DSCAML1: variants seen among roughly 807,000 people sequenced by gnomAD.
The protein encoded by DSCAML1 is cell adhesion molecule DSCAML1.
A neutral mutation model predicts 200.5 loss-of-function variants in DSCAML1; 38 were observed. The observed-to-expected ratio is 0.19, with a 90% CI of 0.15 to 0.25. DSCAML1 has a LOEUF of 0.25. DSCAML1 is among the 10% of genes least tolerant of loss of function. The probability of loss-of-function intolerance (pLI) is 1.00; values close to 1 mark genes in which losing one functional copy is unlikely to be tolerated. For missense variants in DSCAML1, 2,223 were observed against 2,858.8 expected, an observed-to-expected ratio of 0.78 and a Z score of 5.07; for synonymous variants, 1,215 against 1,165.0, an observed-to-expected ratio of 1.04 and a Z score of -0.87.
intron 3 of DSCAML1, among the ~76,000 whole-genome samples, chr11:117,572,693 A>G (rs2050867322): frequency 6.6e-6 from 1 of 152,176 alleles, no homozygotes; most frequent in South Asian, 2.1e-4. Flanking sequence ...CTATGCAAAG[A>G]TCTGGTTCCC....
intron 3 of DSCAML1, among the ~76,000 whole-genome samples, chr11:117,716,779 C>T (rs562994943): frequency 7.2e-5 from 11 of 152,324 alleles, no homozygotes; most frequent in African/African-American, 2.4e-4. Flanking sequence ...ATTCAAATTT[C>T]GGTGCCCATA....
intron 3 of DSCAML1, among the ~76,000 whole-genome samples, chr11:117,537,553 T>TC (rs1326101682): frequency 3.9e-5 from 6 of 151,920 alleles, no homozygotes; most frequent in Non-Finnish European, 8.8e-5. Flanking sequence ...TTGAATAGCA[T>TC]CCCCCCAACA....
At chr11:117,605,685 G>A (rs2051552067) in intron 3 of DSCAML1, among the ~76,000 whole-genome samples, 1 of 152,210 alleles carries the variant, frequency 6.6e-6, no homozygotes. Context: ...AAGGGAAGAG[G>A]CGAGAACATG....
At chr11:117,462,013 A>G (rs1592613969) in intron 17 of DSCAML1, among the ~76,000 whole-genome samples, 1 of 151,988 alleles carries the variant, frequency 6.6e-6, no homozygotes, top group African/African-American at 2.4e-5. Context: ...GCAATGCATC[A>G]CCTCATCTGA....
chr11:117,461,372 T>C (rs2048479716), intron 18 of DSCAML1, 78 bp downstream of exon 18: 1 of 1,593,630 alleles, frequency 6.3e-7, no homozygotes, highest in Non-Finnish European at 8.6e-7. Flanking sequence ...GATGCTCAGC[T>C]CTAACTACGC....
chr11:117,436,749 G>T (rs1221935113), intron 26 of DSCAML1, among the ~76,000 whole-genome samples: 1 of 152,092 alleles, frequency 6.6e-6, no homozygotes, highest in Non-Finnish European at 1.5e-5. Context: ...TCCCCTCCTG[G>T]CTAATATTCC....
chr11:117,604,251 T>C (rs2051521206), intron 3 of DSCAML1, among the ~76,000 whole-genome samples: 1 of 152,208 alleles, frequency 6.6e-6, no homozygotes, highest in Non-Finnish European at 1.5e-5. Flanking sequence ...ATCTATTTGA[T>C]GGACCAGGGG....
chr11:117,681,722 A>G (rs11216498), intron 3 of DSCAML1, among the ~76,000 whole-genome samples: 43,084 of 152,076 alleles, frequency 0.28, 7,146 homozygotes, highest in African/African-American at 0.46. Flanking sequence ...TGGGAATGGC[A>G]TTAGTGGATA....
intron 1 of DSCAML1, among the ~76,000 whole-genome samples, chr11:117,782,910 C>A (rs765515861): frequency 6.6e-6 from 1 of 152,070 alleles, no homozygotes; most frequent in East Asian, 1.9e-4. Context: ...CCCAAGACCA[C>A]AAAACCAGTA....
chr11:117,700,449 A>G (rs745379783), intron 3 of DSCAML1, among the ~76,000 whole-genome samples: 2 of 152,162 alleles, frequency 1.3e-5, no homozygotes, highest in East Asian at 1.9e-4. Flanking sequence ...TTTGCTCCCC[A>G]GCACTCTTGT....
intron 24 of DSCAML1, 75 bp from the exon 25 acceptor site, chr11:117,438,158 A>G (rs1038237374): frequency 1.4e-6 from 2 of 1,437,698 alleles, no homozygotes; most frequent in African/African-American, 1.4e-5. Context: ...AGGTACCCCA[A>G]CAGGGGGCTG....
chr11:117,465,087 C>T lies in DSCAML1; in HGVS notation c.3120G>A (p.Val1040=), dbSNP rs1166434950. 1 of 1,613,992 alleles carries T rather than the reference C, an allele frequency of 6.2e-7. No individual in the cohort carries two copies. Residue 1040 remains valine, a synonymous_variant, in exon 17 of 33, where the codon GTG becomes GTA. Transcript: ENST00000651296. ...SPGSNGQYSI[V]EMKATGDSEV... is the part of the protein sequence containing the mutation. ...CGCTGTCCCCCGTGGCCTTCATCTC[C>T]ACGATGCTGTACTGCCCGTTGCTGC... is the stretch of plus-strand genomic sequence containing the variant.
At chr11:117,680,376 G>T (rs995870950) in intron 3 of DSCAML1, among the ~76,000 whole-genome samples, 1 of 152,202 alleles carries the variant, frequency 6.6e-6, no homozygotes, top group African/African-American at 2.4e-5. Context: ...CATGGCACAG[G>T]GAGTCCCACT....
intron 3 of DSCAML1, among the ~76,000 whole-genome samples, chr11:117,633,316 G>C (rs1011292556): frequency 1.3e-5 from 2 of 152,204 alleles, no homozygotes; most frequent in African/African-American, 4.8e-5. Context: ...GCCTGGGTCT[G>C]GCCACCCTTC....
intron 2 of DSCAML1, among the ~76,000 whole-genome samples, chr11:117,778,684 A>C (rs1450170786): frequency 2.0e-5 from 3 of 152,248 alleles, no homozygotes; most frequent in African/African-American, 7.2e-5. Context: ...GTGAAAACAC[A>C]TGTATAGACT....
intron 3 of DSCAML1, among the ~76,000 whole-genome samples, chr11:117,763,389 C>T (rs1340630413): frequency 6.6e-6 from 1 of 151,522 alleles, no homozygotes; most frequent in East Asian, 2.0e-4. Flanking sequence ...TCAGTGAACT[C>T]CTGGAGAGCT....
At chr11:117,522,931 G>A (rs1232407313) in intron 5 of DSCAML1, among the ~76,000 whole-genome samples, 1 of 152,186 alleles carries the variant, frequency 6.6e-6, no homozygotes, top group Non-Finnish European at 1.5e-5. Flanking sequence ...CCTGCTGTGG[G>A]GAGGGGTAGG....
intron 3 of DSCAML1, among the ~76,000 whole-genome samples, chr11:117,590,292 A>G (rs2051234450): frequency 6.6e-6 from 1 of 151,918 alleles, no homozygotes; most frequent in Non-Finnish European, 1.5e-5. Context: ...GGGCTCAAAC[A>G]ATCCTCCCAC....
intron 3 of DSCAML1, among the ~76,000 whole-genome samples, chr11:117,568,044 C>T (rs1407679996): frequency 2.6e-5 from 4 of 152,088 alleles, no homozygotes; most frequent in Admixed American, 2.6e-4. Flanking sequence ...TGGGCTTCAT[C>T]CCTGGGATGC....
Sources: gnomAD v4.1 joint callset for allele counts (sites outside exome capture counted in the v4.1 genomes callset) on GRCh38, gnomAD v4.1.1 for gene constraint, MANE v1.5 for transcripts, NCBI Gene and HGNC (gene_info 2026-07-23, HGNC 2026-07-21) for gene names.